Variants in DGKB observed in about 807,000 individuals in gnomAD.
DGKB encodes 90 kDa diacylglycerol kinase.
In DGKB, 67 loss-of-function variants were observed where a neutral mutation model predicts 114.3. That is an observed-to-expected ratio of 0.59 (90% confidence interval 0.48 to 0.72). The LOEUF (loss-of-function observed/expected upper bound fraction) is 0.72. Among genes scored for constraint, DGKB ranks in the 30% least tolerant of loss-of-function variants. The pLI is 0.00. For synonymous variants in DGKB, 398 were observed against 323.1 expected, an observed-to-expected ratio of 1.23 and a Z score of -2.49; for missense variants, 907 against 975.2, an observed-to-expected ratio of 0.93 and a Z score of 0.93.
chr7:14,856,258 ACCTCAGTAGAACAG>A (rs1364611330), intron 1 of DGKB, among the ~76,000 whole-genome samples: 3 of 152,220 alleles, frequency 2.0e-5, no homozygotes, highest in African/African-American at 7.2e-5. Flanking sequence ...TTTGAAAACT[ACCTCAGTAGAACAG>A]AAAACACAAA....
chr7:14,170,165 GAAAGAAAGAAAGAAAGAAAGAA>G (rs1461468356), intron 25 of DGKB, among the ~76,000 whole-genome samples: 3 of 97,502 alleles, frequency 3.1e-5, no homozygotes, highest in African/African-American at 1.4e-4. Flanking sequence ...AAGAAAGAAA[GAAAGAAAGAAAGAAAGAAAGAA>G]AGAAAGAAAG....
chr7:14,421,466 A>C (rs1583815845), intron 21 of DGKB, among the ~76,000 whole-genome samples: 1 of 152,260 alleles, frequency 6.6e-6, no homozygotes, highest in African/African-American at 2.4e-5. Context: ...GTAATAAATG[A>C]GTTATTGTTG....
chr7:14,310,413 A>G (rs892538912), intron 23 of DGKB, among the ~76,000 whole-genome samples: 1 of 152,124 alleles, frequency 6.6e-6, no homozygotes, highest in African/African-American at 2.4e-5. Context: ...CGCAATGAGA[A>G]GGAAGACAGG....
intron 1 of DGKB, among the ~76,000 whole-genome samples, chr7:14,940,884 G>A (rs1785535999): frequency 6.6e-6 from 1 of 151,876 alleles, no homozygotes; most frequent in East Asian, 1.9e-4. Context: ...GAGATTCCAA[G>A]TATTTTATTT....
chr7:14,825,014 A>ATG (rs201521930), intron 2 of DGKB, among the ~76,000 whole-genome samples: 7,127 of 77,732 alleles, frequency 0.092, 368 homozygotes, highest in African/African-American at 0.18. Context: ...ATGTATGTGT[A>ATG]TGTATATATA....
At chr7:14,187,600 G>T (rs181581823) in intron 23 of DGKB, among the ~76,000 whole-genome samples, 1 of 152,276 alleles carries the variant, frequency 6.6e-6, no homozygotes, top group Admixed American at 6.5e-5. Context: ...ATATATCACT[G>T]ATGAGGATTA....
intron 1 of DGKB, among the ~76,000 whole-genome samples, chr7:14,847,877 A>T (rs1586890968): frequency 6.6e-6 from 1 of 152,220 alleles, no homozygotes; most frequent in Non-Finnish European, 1.5e-5. Flanking sequence ...AAAAACTACA[A>T]ATATTATAAA....
chr7:14,537,225 TA>T (rs1792653562), intron 20 of DGKB, among the ~76,000 whole-genome samples: 1 of 152,242 alleles, frequency 6.6e-6, no homozygotes, highest in East Asian at 1.9e-4. Context: ...TTAATATTAT[TA>T]AAATATTCAT....
Position 14,698,096 on chromosome 7 carries a change from G to A in DGKB, c.590C>T (p.Pro197Leu), listed in dbSNP as rs1200328211. The A allele has an allele frequency of 2.6e-6, 4 of 1,527,626 alleles. No homozygotes were observed. The highest frequency in any genetic ancestry group is 3.5e-6 in the Non-Finnish European group (4 of 1,127,126). 94.6% of individuals were successfully genotyped at this position (1,527,626 alleles called of 1,614,324 possible). The stretch of plus-strand genomic sequence containing the variant: ...TAGTGAAATCATTCATATACCTACT[G>A]GATTAAGTTCAGTGACATCCCACTC... ...YLEWDVTELN[P>L]ILHEMMEEID... Residue 197 changes from proline to leucine, a missense_variant and splice_region_variant, in exon 8 of 26, where the codon CCA becomes CTA. By Grantham distance (98) the Pro-to-Leu change is moderately conservative. Around this residue, in one of 3 missense-constraint regions of DGKB, gnomAD observed 814 missense variants for 856.6 expected, o/e 0.95. Transcript: ENST00000402815.
intron 13 of DGKB, among the ~76,000 whole-genome samples, chr7:14,670,062 C>T (rs998202882): frequency 3.9e-5 from 6 of 151,936 alleles, no homozygotes; most frequent in African/African-American, 1.5e-4. Flanking sequence ...AGATGCTGTC[C>T]TAATTCATGA....
intron 23 of DGKB, among the ~76,000 whole-genome samples, chr7:14,202,798 G>C (rs1786111592): frequency 6.6e-6 from 1 of 151,918 alleles, no homozygotes; most frequent in South Asian, 2.1e-4. Context: ...CACATTTCTA[G>C]TTGCTGAAGT....
rs1797847995 is a variant in DGKB at position 14,268,538 on chromosome 7, ATTC to A, written c.2122+69974_2122+69976del. Among the ~76,000 whole-genome samples the A allele has an allele frequency of 2.6e-5, 4 of 152,330 alleles. No homozygotes were observed. In the South Asian group the frequency reaches 8.3e-4, roughly 32 times the overall value. On this transcript the variant is annotated intron_variant, in intron 23 of 25. Coordinates refer to ENST00000402815, the MANE Select transcript of DGKB (RefSeq NM_001350709.2). ...ATAACAATGTAAAAGCACATGAGAAATTCTTCTTTCATTTGTTTTTTTCTAAGA... is the reference window on the plus strand; with the variant it reads ...ATAACAATGTAAAAGCACATGAGAAATTCTTTCATTTGTTTTTTTCTAAGA...
At chr7:14,784,334 T>C (rs1839550585) in intron 2 of DGKB, among the ~76,000 whole-genome samples, 1 of 152,066 alleles carries the variant, frequency 6.6e-6, no homozygotes, top group Non-Finnish European at 1.5e-5. Flanking sequence ...AAACACCTTT[T>C]TGACCATGTT....
At position 14,147,643 on chromosome 7, in the gene DGKB, A is replaced by T. The variant is rs975750031; in HGVS notation, c.*1488T>A. ...ATAAATCATTAGCACTTTAATGCAG[A>T]GTGGAGAGAAACTAATAAATCATGC... On this transcript the variant is annotated 3_prime_UTR_variant, in exon 26 of 26. Transcript: ENST00000402815. 6.6e-6 allele frequency: 1 copy of T among 152,568 alleles called. No individual in the cohort carries two copies. Among genetic ancestry groups the T allele is most frequent in the Admixed American group, 6.6e-5 (1 of 15,262 alleles). The allele number at this position is 152,568 out of a possible 1,614,324, so 9.5% of individuals were successfully genotyped here.
At chr7:14,461,530 T>C (rs1355658963) in intron 21 of DGKB, among the ~76,000 whole-genome samples, 3 of 152,098 alleles carry the variant, frequency 2.0e-5, no homozygotes, top group East Asian at 3.9e-4. Context: ...CCTGGACACA[T>C]ACACCCTCCC....
At chr7:14,936,322 AG>A (rs1242389676) in intron 1 of DGKB, among the ~76,000 whole-genome samples, 5 of 152,162 alleles carry the variant, frequency 3.3e-5, no homozygotes, top group Non-Finnish European at 7.4e-5. Context: ...CAAAATGAAA[AG>A]GAGGCTAAAA....
At chr7:14,495,243 C>T (rs954533080) in intron 20 of DGKB, among the ~76,000 whole-genome samples, 1 of 151,650 alleles carries the variant, frequency 6.6e-6, no homozygotes, top group African/African-American at 2.4e-5. Context: ...GAATAATGGT[C>T]AACAAATGGC....
At chr7:14,600,357 T>C (rs1484387986) in intron 17 of DGKB, among the ~76,000 whole-genome samples, 4 of 152,200 alleles carry the variant, frequency 2.6e-5, no homozygotes, top group African/African-American at 9.7e-5. Flanking sequence ...GACACAAGTA[T>C]TCAAACCATA....
chr7:14,456,347 G>A (rs1832283160), intron 21 of DGKB, among the ~76,000 whole-genome samples: 1 of 152,060 alleles, frequency 6.6e-6, no homozygotes, highest in South Asian at 2.1e-4. Flanking sequence ...GCACTCAGAT[G>A]TAGAGTGAAG....
Sources: gnomAD v4.1 joint callset for allele counts (sites outside exome capture counted in the v4.1 genomes callset) on GRCh38, gnomAD v4.1.1 for gene constraint, gnomAD v4.1.1 regional missense constraint, MANE v1.5 for transcripts, NCBI Gene and HGNC (gene_info 2026-07-23, HGNC 2026-07-21) for gene names.